Variants in ST6GAL1 observed in about 807,000 individuals in gnomAD.
The protein encoded by ST6GAL1 is beta-galactoside alpha-2,6-sialyltransferase 1.
ST6GAL1 carries 20 observed loss-of-function variants against 38.0 expected under a neutral mutation model. That is an observed-to-expected ratio of 0.53 (90% CI 0.37 to 0.77). The LOEUF (loss-of-function observed/expected upper bound fraction) is 0.77, where lower values mean the gene tolerates loss of function less well. Among genes scored for constraint, ST6GAL1 ranks in the 30% least tolerant of loss-of-function variants. The probability of loss-of-function intolerance (pLI) is 0.00; values close to 1 mark genes in which losing one functional copy is unlikely to be tolerated. For synonymous variants in ST6GAL1, 196 were observed against 188.2 expected, an observed-to-expected ratio of 1.04 and a Z score of -0.34; for missense variants, 432 against 496.4, an observed-to-expected ratio of 0.87 and a Z score of 1.23.
chr3:187,019,025 C>T (rs764743807), intron 2 of ST6GAL1, among the ~76,000 whole-genome samples: 4 of 152,176 alleles, frequency 2.6e-5, no homozygotes, highest in South Asian at 2.1e-4. Flanking sequence ...CTGTGGTAGT[C>T]GTGGCAATCT....
At chr3:187,011,319 T>C (rs971168223) in intron 2 of ST6GAL1, among the ~76,000 whole-genome samples, 1 of 152,220 alleles carries the variant, frequency 6.6e-6, no homozygotes, top group South Asian at 2.1e-4. Context: ...TATTTTCTCT[T>C]CCTCGTTCTT....
chr3:187,002,971 G>T (rs1316630445), intron 2 of ST6GAL1, among the ~76,000 whole-genome samples: 2 of 152,152 alleles, frequency 1.3e-5, no homozygotes, highest in African/African-American at 4.8e-5. Flanking sequence ...TAAAACAATG[G>T]CTTATGCAAT....
intron 2 of ST6GAL1, among the ~76,000 whole-genome samples, chr3:186,988,006 G>A (rs909369565): frequency 6.6e-6 from 1 of 152,104 alleles, no homozygotes; most frequent in African/African-American, 2.4e-5. Flanking sequence ...GTTCCTGTTT[G>A]TGGTGTCGGC....
At chr3:187,022,664 T>G (rs1717371170) in intron 2 of ST6GAL1, among the ~76,000 whole-genome samples, 1 of 152,308 alleles carries the variant, frequency 6.6e-6, no homozygotes, top group South Asian at 2.1e-4. Context: ...TAATATCGAT[T>G]CTCTGGAGAT....
At position 186,971,052 on chromosome 3, in the gene ST6GAL1, G is replaced by A. The variant is rs116449725; in HGVS notation, c.-183+7126G>A. Among the ~76,000 whole-genome samples the A allele has an allele frequency of 6.3e-3, 952 of 152,272 alleles. 11 individuals carry two copies. The highest frequency in any genetic ancestry group is 0.022 in the African/African-American group (909 of 41,544). ...CATAATCCACTTCCTCCACATGCTTGCCAGCATTTGGTGTTGTCACTTTTT... is the reference window on the plus strand; with the variant it reads ...CATAATCCACTTCCTCCACATGCTTACCAGCATTTGGTGTTGTCACTTTTT... On this transcript the variant is annotated intron_variant, in intron 2 of 7. Transcript: ENST00000169298.
At chr3:186,995,792 C>T (rs1427727650) in intron 2 of ST6GAL1, among the ~76,000 whole-genome samples, 4 of 152,010 alleles carry the variant, frequency 2.6e-5, no homozygotes, top group South Asian at 2.1e-4. Flanking sequence ...TGCAGTGAGC[C>T]GAGATTGTGC....
At chr3:186,934,463 G>A (rs551793962) in intron 1 of ST6GAL1, among the ~76,000 whole-genome samples, 1 of 152,244 alleles carries the variant, frequency 6.6e-6, no homozygotes, top group African/African-American at 2.4e-5. Context: ...CTGGGAGGCT[G>A]AGACAGGAGA....
chr3:186,937,683 A>G (rs1399407595), intron 1 of ST6GAL1, among the ~76,000 whole-genome samples: 1 of 152,174 alleles, frequency 6.6e-6, no homozygotes, highest in Non-Finnish European at 1.5e-5. Flanking sequence ...GGAGTCACCA[A>G]TGACTGGAGC....
intron 2 of ST6GAL1, among the ~76,000 whole-genome samples, chr3:187,007,604 CAG>C (rs1716824887): frequency 6.6e-6 from 1 of 152,176 alleles, no homozygotes; most frequent in African/African-American, 2.4e-5. Context: ...TAACAGGATT[CAG>C]AGTCTCACAA....
intron 2 of ST6GAL1, among the ~76,000 whole-genome samples, chr3:186,996,954 A>C (rs181312094): frequency 6.6e-6 from 1 of 151,878 alleles, no homozygotes; most frequent in Admixed American, 6.6e-5. Context: ...GAGCTTGTTC[A>C]TGACCACCTC....
chr3:187,068,695 A>G (rs1719258033), intron 5 of ST6GAL1, among the ~76,000 whole-genome samples: 1 of 152,174 alleles, frequency 6.6e-6, no homozygotes. Context: ...TGCTTTGCAT[A>G]CTCAAAATTG....
intron 2 of ST6GAL1, among the ~76,000 whole-genome samples, chr3:187,017,750 G>A (rs1053246709): frequency 1.3e-5 from 2 of 152,200 alleles, no homozygotes; most frequent in African/African-American, 4.8e-5. Flanking sequence ...CTCCTGCCCA[G>A]ATTGATAACA....
intron 5 of ST6GAL1, among the ~76,000 whole-genome samples, chr3:187,071,272 G>A (rs962382521): frequency 2.0e-5 from 3 of 152,112 alleles, no homozygotes; most frequent in African/African-American, 7.2e-5. Context: ...GCTTTTTAAG[G>A]TGAATGTTGA....
chr3:187,023,537 A>T (rs867709627), intron 2 of ST6GAL1, among the ~76,000 whole-genome samples: 4 of 152,212 alleles, frequency 2.6e-5, no homozygotes, highest in Middle Eastern at 3.2e-3. Flanking sequence ...CATATACACC[A>T]TGGAATACTA....
chr3:187,040,391 C>T (rs1406377873), intron 3 of ST6GAL1, among the ~76,000 whole-genome samples: 1 of 152,222 alleles, frequency 6.6e-6, no homozygotes, highest in Admixed American at 6.5e-5. Context: ...ACACTGACTT[C>T]TCACTGTCCC....
At chr3:187,005,314 C>A (rs1579315159) in intron 2 of ST6GAL1, among the ~76,000 whole-genome samples, 2 of 135,548 alleles carry the variant, frequency 1.5e-5, no homozygotes, top group African/African-American at 2.8e-5. Context: ...TTCGCTGTTT[C>A]GCCCAGGCTG....
At chr3:187,061,287 G>A (rs1259090497) in intron 5 of ST6GAL1, among the ~76,000 whole-genome samples, 1 of 152,142 alleles carries the variant, frequency 6.6e-6, no homozygotes, top group Non-Finnish European at 1.5e-5. Flanking sequence ...TTGTTAAGAT[G>A]TCAATAATAC....
chr3:187,050,765 C>T (rs910617099), intron 4 of ST6GAL1, among the ~76,000 whole-genome samples: 2 of 152,132 alleles, frequency 1.3e-5, no homozygotes, highest in Non-Finnish European at 2.9e-5. Context: ...AAATCCTGTC[C>T]ATTTGCTGAG....
rs561776438 is a variant in ST6GAL1 at position 186,932,871 on chromosome 3, G to A, written c.-325+2037G>A. ...AGCCGGATTTCCCCAAAGTTAACAT[G>A]TTGTTTTGCACTGTGCCTGTTATCT... On this transcript the variant is annotated intron_variant, in intron 1 of 7. Transcript: ENST00000169298. Among the ~76,000 whole-genome samples, 4 of 152,330 alleles carry A rather than the reference G, an allele frequency of 2.6e-5. No homozygotes were observed. In the South Asian group the frequency reaches 8.3e-4, roughly 32 times the overall value.
Sources: gnomAD v4.1 joint callset for allele counts (sites outside exome capture counted in the v4.1 genomes callset) on GRCh38, gnomAD v4.1.1 for gene constraint, MANE v1.5 for transcripts, NCBI Gene and HGNC (gene_info 2026-07-23, HGNC 2026-07-21) for gene names.